KIAA1671: variants seen among roughly 807,000 people sequenced by gnomAD.
KIAA1671 encodes the protein KIAA1671, also known as uncharacterized protein KIAA1671.
In KIAA1671, 52 loss-of-function variants were observed where a neutral mutation model predicts 131.2. The ratio of observed to expected loss-of-function variants is 0.40; its 90% CI spans 0.32 to 0.50. KIAA1671 has a LOEUF of 0.50. KIAA1671 is among the 20% of genes least tolerant of loss of function. The pLI, the probability that KIAA1671 is intolerant of heterozygous loss-of-function variation, is 0.73. For missense variants in KIAA1671, 2,360 were observed against 2,364.2 expected (o/e 1.00, Z 0.04); for synonymous variants, 1,003 against 961.6 (o/e 1.04, Z -0.80).
intron 7 of KIAA1671, 139 bp from the exon 8 acceptor site, chr22:25,174,101 T>A: frequency 1.1e-6 from 1 of 951,912 alleles, no homozygotes; most frequent in Admixed American, 2.6e-5. Context: ...GAGGGTCTTC[T>A]GCTGGGATGT....
chr22:25,073,598 T>G (rs977112206), intron 6 of KIAA1671, among the ~76,000 whole-genome samples: 4 of 152,234 alleles, frequency 2.6e-5, no homozygotes, highest in African/African-American at 9.6e-5. Context: ...TTAACTATAG[T>G]CACTATGCTT....
chr22:25,031,147 C>T (rs1926264670), intron 3 of KIAA1671, among the ~76,000 whole-genome samples: 2 of 151,980 alleles, frequency 1.3e-5, no homozygotes, highest in South Asian at 4.1e-4. Flanking sequence ...CTGCCTCAGC[C>T]TCCGCAGTAG....
In KIAA1671 at chr22:25,040,126, C is replaced by T; in HGVS notation, c.2996C>T (p.Thr999Ile). ...CAACTATCCCACTACAGGGTGGAGA[C>T]CCAGGAGGTGAACCCAGGTGCTTCA... The part of the protein sequence containing the change: ...KPQLSHYRVE[T>I]QEVNPGASRD... The change falls in exon 5 of 13, where the codon ACC becomes ATC. Residue 999 changes from threonine (T) to isoleucine (I), a missense_variant. Thr to Ile is a moderately conservative substitution (Grantham distance 89, BLOSUM62 -1). Coordinates refer to ENST00000358431, the MANE Select transcript of KIAA1671 (RefSeq NM_001145206.2). The T allele has an allele frequency of 6.4e-7, 1 of 1,551,656 alleles. No individual in the cohort carries two copies. The highest frequency in any genetic ancestry group is 8.7e-7 in the Non-Finnish European group (1 of 1,146,994).
At chr22:25,036,944 TA>T (rs925309151) in intron 4 of KIAA1671, among the ~76,000 whole-genome samples, 2 of 151,428 alleles carry the variant, frequency 1.3e-5, no homozygotes, top group African/African-American at 4.9e-5. Context: ...AAATAAAAAA[TA>T]AAAAAAGCTT....
chr22:25,022,076 G>A (rs1925702688), intron 1 of KIAA1671, among the ~76,000 whole-genome samples: 4 of 152,144 alleles, frequency 2.6e-5, no homozygotes, highest in Admixed American at 1.3e-4. Context: ...GCCTGGCCCC[G>A]TTCCTGGCTC....
intron 1 of KIAA1671, among the ~76,000 whole-genome samples, chr22:25,018,817 T>C (rs1925488658): frequency 6.6e-6 from 1 of 152,198 alleles, no homozygotes; most frequent in Non-Finnish European, 1.5e-5. Context: ...TGATGGACAT[T>C]TAATTGTTTA....
At chr22:25,129,518 A>C (rs1304219929) in intron 6 of KIAA1671, among the ~76,000 whole-genome samples, 1 of 151,728 alleles carries the variant, frequency 6.6e-6, no homozygotes, top group African/African-American at 2.4e-5. Flanking sequence ...AAAAAAAAAA[A>C]AAACCCACAG....
chr22:25,029,292 G>A lies in KIAA1671; in HGVS notation c.1293G>A (p.Trp431Ter). 6.6e-7 allele frequency: 1 copy of A among 1,520,176 alleles called. No individual in the cohort carries two copies. Among genetic ancestry groups the A allele is most frequent in the Admixed American group, 2.1e-5 (1 of 48,766 alleles). The allele number at this position is 1,520,176 out of a possible 1,614,324, so 94.2% of individuals were successfully genotyped here. ...ADGEAAAGGE[W>*]ASRRSVRKCI... is the part of the protein sequence containing the mutation. ...GGGAGGCCGCGGCAGGGGGAGAGTG[G>A]GCCTCCAGGAGGAGTGTCAGGAAGT... Residue 431 changes from tryptophan to a stop codon, truncating the protein, a stop_gained, in exon 3 of 13, where the codon TGG (tryptophan) becomes TGA (stop). Transcript: ENST00000358431. LOFTEE classifies it high-confidence loss of function.
intron 12 of KIAA1671, among the ~76,000 whole-genome samples, chr22:25,191,638 C>T (rs1934675075): frequency 6.6e-6 from 1 of 152,374 alleles, no homozygotes; most frequent in Non-Finnish European, 1.5e-5. Flanking sequence ...GTCCACACCA[C>T]CGAGTTGTCC....
intron 9 of KIAA1671, among the ~76,000 whole-genome samples, chr22:25,181,177 A>G (rs1421149733): frequency 6.6e-6 from 1 of 152,138 alleles, no homozygotes; most frequent in Non-Finnish European, 1.5e-5. Context: ...TAGGCAGCCC[A>G]TCACCCAAAA....
chr22:25,139,038 C>T (rs999925321), intron 6 of KIAA1671, among the ~76,000 whole-genome samples: 1 of 152,222 alleles, frequency 6.6e-6, no homozygotes, highest in Non-Finnish European at 1.5e-5. Flanking sequence ...TGCACACCAC[C>T]CCCAGACCCC....
chr22:25,035,530 C>T (rs1926542225), intron 4 of KIAA1671, among the ~76,000 whole-genome samples: 1 of 152,168 alleles, frequency 6.6e-6, no homozygotes, highest in African/African-American at 2.4e-5. Flanking sequence ...CTTTGAATGG[C>T]AATACCCACC....
At chr22:24,963,139 G>A (rs79435688) in intron 1 of KIAA1671, among the ~76,000 whole-genome samples, 2 of 151,902 alleles carry the variant, frequency 1.3e-5, no homozygotes, top group South Asian at 2.1e-4. Context: ...CGAGGCGGGC[G>A]GATCACCTGA....
chr22:25,072,777 C>A (rs1928899838), intron 6 of KIAA1671, among the ~76,000 whole-genome samples: 1 of 152,166 alleles, frequency 6.6e-6, no homozygotes. Flanking sequence ...TAGCTCATTT[C>A]TGAAACCTAG....
rs1934187746 is a variant in KIAA1671 at position 25,179,502 on chromosome 22, C to A, written c.5074+1980C>A. ...TCCTCCAGCGCCTTGTGCAGCACCT[C>A]CCGCTCGTGCTCGCGCGGCTCCACC... On this transcript the variant is annotated intron_variant, in intron 9 of 12. Coordinates refer to ENST00000358431, the MANE Select transcript of KIAA1671 (RefSeq NM_001145206.2). The A allele has an allele frequency of 6.8e-6, 11 of 1,611,916 alleles. No homozygotes were observed. The East Asian group carries it at 2.5e-4, about 36-fold the overall frequency.
rs1238451925 is a variant in KIAA1671, at chr22:25,195,839, G to A, written c.*3438G>A. On this transcript the variant is annotated 3_prime_UTR_variant, in exon 13 of 13. Coordinates refer to ENST00000358431, the MANE Select transcript of KIAA1671 (RefSeq NM_001145206.2). The stretch of plus-strand genomic sequence containing the variant: ...AGATATTTAAACCAGAGTAAGTGAT[G>A]GGGAGACATTCTGTGGTCTCTGAAT... 1 of 86,086 alleles carries A rather than the reference G, an allele frequency of 1.2e-5. No homozygotes were observed. The highest frequency in any genetic ancestry group is 1.7e-4 in the Admixed American group (1 of 6,042). The allele number at this position is 86,086 out of a possible 1,614,324, so 5.3% of individuals were successfully genotyped here.
chr22:25,025,938 A>T (rs996077176), intron 2 of KIAA1671, among the ~76,000 whole-genome samples, 154 bp downstream of exon 2: 1 of 152,084 alleles, frequency 6.6e-6, no homozygotes, highest in African/African-American at 2.4e-5. Flanking sequence ...ATGTATCCTC[A>T]ATCAGGGTTT....
At chr22:25,030,039 G>A (rs1161157322) in intron 3 of KIAA1671, among the ~76,000 whole-genome samples, 6 of 152,178 alleles carry the variant, frequency 3.9e-5, no homozygotes, top group Non-Finnish European at 7.3e-5. Flanking sequence ...GATATTCTAC[G>A]TCATTTGGTT....
intron 6 of KIAA1671, among the ~76,000 whole-genome samples, chr22:25,122,729 C>T (rs952689952): frequency 2.0e-5 from 3 of 152,184 alleles, no homozygotes; most frequent in Non-Finnish European, 4.4e-5. Flanking sequence ...AATCCCAGCA[C>T]TTTGGGAGGC....
Sources: allele counts gnomAD v4.1 joint callset (sites outside exome capture counted in the v4.1 genomes callset), GRCh38; gene constraint gnomAD v4.1.1; transcripts MANE v1.5; gene names NCBI Gene and HGNC (gene_info 2026-07-23, HGNC 2026-07-21).